Variants in SHISAL2B observed in about 807,000 individuals in gnomAD.
The protein encoded by SHISAL2B is protein shisa-like-2B.
A neutral mutation model predicts 16.5 loss-of-function variants in SHISAL2B; 12 were observed. The ratio of observed to expected loss-of-function variants is 0.73; its 90% CI spans 0.47 to 1.18. The LOEUF (loss-of-function observed/expected upper bound fraction) is 1.18. Among genes scored for constraint, SHISAL2B ranks in the 50% most tolerant of loss-of-function variants. The probability of loss-of-function intolerance (pLI) is 0.00; values close to 1 mark genes in which losing one functional copy is unlikely to be tolerated. For missense variants in SHISAL2B, 183 were observed against 193.6 expected (o/e 0.95, Z 0.33); for synonymous variants, 72 against 75.0 (o/e 0.96, Z 0.21).
chr5:64,692,351 CA>C (rs1268072811), intron 1 of SHISAL2B, among the ~76,000 whole-genome samples: 3 of 152,152 alleles, frequency 2.0e-5, no homozygotes, highest in African/African-American at 7.2e-5. Context: ...TGTATGAGGG[CA>C]CAAAAGAGTG....
Position 64,717,903 on chromosome 5 carries a change from A to G in SHISAL2B, c.364A>G (p.Lys122Glu). 6.6e-7 allele frequency: 1 copy of G among 1,512,812 alleles called. No homozygotes were observed. Among genetic ancestry groups the G allele is most frequent in the Non-Finnish European group, 8.8e-7 (1 of 1,141,526 alleles). The allele number at this position is 1,512,812 out of a possible 1,614,324, so 93.7% of individuals were successfully genotyped here. A position where few individuals can be genotyped will look rare whatever the true frequency, so the allele number is the denominator to read the frequency against. Residue 122 changes from lysine (K) to glutamate (E), a missense_variant, in exon 3 of 3, where the codon AAA (lysine) becomes GAA (glutamate). Transcript: ENST00000389074. ...TGTATCTGCAGGCAAGTCAAATGGA[A>G]AAACCAAAGCCCTCAATTCAAATGC... is the stretch of plus-strand genomic sequence containing the variant. ...SSTQEGKSNGKTKALNSNAAS... is the reference protein window; with the variant it reads ...SSTQEGKSNGETKALNSNAAS...
intron 2 of SHISAL2B, among the ~76,000 whole-genome samples, chr5:64,712,733 T>C (rs1254871724): frequency 1.3e-5 from 2 of 152,182 alleles, no homozygotes; most frequent in Non-Finnish European, 2.9e-5. Flanking sequence ...CTGTATTGGG[T>C]GCATATATAT....
intron 2 of SHISAL2B, among the ~76,000 whole-genome samples, chr5:64,709,534 G>T (rs990984902): frequency 2.0e-5 from 3 of 150,838 alleles, no homozygotes; most frequent in Non-Finnish European, 4.4e-5. Flanking sequence ...ATGATTTATA[G>T]TCATTTGGGT....
At chr5:64,699,405 T>C (rs1023729876) in intron 2 of SHISAL2B, among the ~76,000 whole-genome samples, 2 of 152,222 alleles carry the variant, frequency 1.3e-5, no homozygotes, top group Non-Finnish European at 2.9e-5. Flanking sequence ...TATTTAAACA[T>C]TGCTGTACCC....
At chr5:64,700,393 A>G (rs1360791300) in intron 2 of SHISAL2B, among the ~76,000 whole-genome samples, 2 of 152,102 alleles carry the variant, frequency 1.3e-5, no homozygotes, top group Non-Finnish European at 2.9e-5. Flanking sequence ...GTAACTACAC[A>G]TATCCTTCCA....
At chr5:64,691,267 C>G (rs1410761175) in intron 1 of SHISAL2B, 1 of 158,596 alleles carries the variant, frequency 6.3e-6, no homozygotes, top group Non-Finnish European at 1.4e-5. Context: ...AAGGAGGCTC[C>G]TATGGGGCTC....
intron 2 of SHISAL2B, among the ~76,000 whole-genome samples, chr5:64,716,089 AAC>A (rs1178178790): frequency 6.6e-6 from 1 of 152,228 alleles, no homozygotes; most frequent in East Asian, 1.9e-4. Context: ...AGAGATGAGA[AAC>A]AGTTTCTCAC....
chr5:64,708,735 T>C (rs1182657945), intron 2 of SHISAL2B, among the ~76,000 whole-genome samples: 1 of 152,234 alleles, frequency 6.6e-6, no homozygotes, highest in African/African-American at 2.4e-5. Flanking sequence ...TTATTTTAAA[T>C]ATCTTTGCTT....
intron 1 of SHISAL2B, among the ~76,000 whole-genome samples, chr5:64,694,837 G>A (rs1741709793): frequency 1.3e-5 from 2 of 152,002 alleles, no homozygotes; most frequent in South Asian, 4.2e-4. Context: ...ATCATTTGTT[G>A]GTGAACCCAA....
chr5:64,694,029 A>G (rs1037644018), intron 1 of SHISAL2B: 5 of 451,332 alleles, frequency 1.1e-5, no homozygotes, highest in Middle Eastern at 3.3e-4. Context: ...TTCCTCCCAA[A>G]GCAACAATGC....
chr5:64,717,772 G>T, intron 2 of SHISAL2B, 117 bp from the exon 3 acceptor site: 1 of 864,956 alleles, frequency 1.2e-6, no homozygotes. Context: ...CATACACATA[G>T]CATTTTCAGG....
At chr5:64,693,834 C>T (rs1203283066) in intron 1 of SHISAL2B, among the ~76,000 whole-genome samples, 1 of 152,166 alleles carries the variant, frequency 6.6e-6, no homozygotes, top group Non-Finnish European at 1.5e-5. Context: ...ATAAAATTCC[C>T]CAGCCTTCAC....
rs1742080032 is a variant in SHISAL2B at position 64,717,901 on chromosome 5, G to A, written c.362G>A (p.Gly121Glu). The A allele has an allele frequency of 6.6e-7, 1 of 1,510,536 alleles. No individual in the cohort carries two copies. Among genetic ancestry groups the A allele is most frequent in the Non-Finnish European group, 8.8e-7 (1 of 1,140,734 alleles). The allele number at this position is 1,510,536 out of a possible 1,614,324, so 93.6% of individuals were successfully genotyped here. Residue 121 changes from glycine (G) to glutamate (E), a missense_variant, in exon 3 of 3, where the codon GGA (glycine) becomes GAA (glutamate). Physicochemically the swap from Gly to Glu is moderately conservative, Grantham distance 98. Coordinates refer to ENST00000389074, the MANE Select transcript of SHISAL2B (RefSeq NM_001164442.2). The part of the protein sequence containing the change: ...ASSTQEGKSN[G>E]KTKALNSNAA... ...TGTGTATCTGCAGGCAAGTCAAATG[G>A]AAAAACCAAAGCCCTCAATTCAAAT...
At chr5:64,699,735 A>G (rs150433401) in intron 2 of SHISAL2B, among the ~76,000 whole-genome samples, 2 of 152,284 alleles carry the variant, frequency 1.3e-5, no homozygotes, top group African/African-American at 4.8e-5. Context: ...GTACATACTA[A>G]ATTGACTTAG....
At chr5:64,693,898 CT>C (rs917679842) in intron 1 of SHISAL2B, among the ~76,000 whole-genome samples, 1 of 152,198 alleles carries the variant, frequency 6.6e-6, no homozygotes, top group African/African-American at 2.4e-5. Context: ...ACAAGAATCT[CT>C]GGAAGTCGAC....
chr5:64,708,756 C>T (rs1055088120), intron 2 of SHISAL2B, among the ~76,000 whole-genome samples: 1 of 152,084 alleles, frequency 6.6e-6, no homozygotes, highest in African/African-American at 2.4e-5. Flanking sequence ...GCTGATTGGG[C>T]AAAGGCTATT....
rs149452416 is a variant in SHISAL2B at position 64,705,405 on chromosome 5, C to A, written c.349+9741C>A. On this transcript the variant is annotated intron_variant, in intron 2 of 2. Coordinates refer to ENST00000389074, the MANE Select transcript of SHISAL2B (RefSeq NM_001164442.2). The stretch of plus-strand genomic sequence containing the variant: ...ATTGGTTATGACAAAACACCTTGAA[C>A]GTCTGATTAAACTACTATGAATTTA... Among the ~76,000 whole-genome samples, 610 of 152,180 alleles carry A rather than the reference C, an allele frequency of 4.0e-3. 2 individuals carry two copies. Among genetic ancestry groups the A allele is most frequent in the African/African-American group, 0.014 (568 of 41,522 alleles).
chr5:64,690,770 G>T lies in SHISAL2B; in HGVS notation c.147G>T (p.Pro49=). 1 of 1,544,570 alleles carries T rather than the reference G, an allele frequency of 6.5e-7. No individual in the cohort carries two copies. Among genetic ancestry groups the T allele is most frequent in the South Asian group, 1.2e-5 (1 of 84,198 alleles). The change falls in exon 1 of 3, where the codon CCG becomes CCT. Residue 49 remains proline (P), a synonymous_variant. Coordinates refer to ENST00000389074, the MANE Select transcript of SHISAL2B (RefSeq NM_001164442.2). ...ACCTCAAGTACTGCTGCAGCGAGCC[G>T]GGCAGCTACTTCCCCTACAAGCACA... The part of the protein sequence containing the change: ...FADLKYCCSE[P]GSYFPYKHSY...
At position 64,712,344 on chromosome 5, in the gene SHISAL2B, C is replaced by A. The variant is rs997789499; in HGVS notation, c.350-5545C>A. 2.0e-5 allele frequency among the ~76,000 whole-genome samples: 3 copies of A among 152,026 alleles called. No individual in the cohort carries two copies. The South Asian group carries it at 6.2e-4, about 32-fold the overall frequency. On this transcript the variant is annotated intron_variant, in intron 2 of 2. Coordinates refer to ENST00000389074, the MANE Select transcript of SHISAL2B (RefSeq NM_001164442.2). The stretch of plus-strand genomic sequence containing the variant: ...GTTGTTCAGTTTCCATGTAGTTGAG[C>A]GGCTTTGAGTGAGATTATTAATCCT...
Sources: gnomAD v4.1 joint callset for allele counts (sites outside exome capture counted in the v4.1 genomes callset) on GRCh38, gnomAD v4.1.1 for gene constraint, MANE v1.5 for transcripts, NCBI Gene and HGNC (gene_info 2026-07-23, HGNC 2026-07-21) for gene names.